CFAP57: variants seen among roughly 807,000 people sequenced by gnomAD.
The protein encoded by CFAP57 is cilia- and flagella-associated protein 57.
CFAP57 carries 116 observed loss-of-function variants against 146.8 expected under a neutral mutation model. The observed-to-expected ratio is 0.79, with a 90% CI of 0.68 to 0.92. The LOEUF is 0.92. Among genes scored for constraint, CFAP57 ranks in the 40% least tolerant of loss-of-function variants. The probability of loss-of-function intolerance (pLI) is 0.00; values close to 1 mark genes in which losing one functional copy is unlikely to be tolerated. For missense variants in CFAP57, 1,377 were observed against 1,527.2 expected (o/e 0.90, Z 1.64); for synonymous variants, 518 against 552.8 (o/e 0.94, Z 0.88).
chr1:43,236,157 A>G (rs1645679886), intron 21 of CFAP57, among the ~76,000 whole-genome samples: 2 of 150,902 alleles, frequency 1.3e-5, no homozygotes, highest in Admixed American at 1.3e-4. Context: ...CGGGAAGAAC[A>G]TTTTCTCCAG....
intron 6 of CFAP57, among the ~76,000 whole-genome samples, chr1:43,195,533 A>T (rs935593776): frequency 1.6e-4 from 23 of 141,176 alleles, no homozygotes; most frequent in Non-Finnish European, 3.3e-4. Flanking sequence ...AGAAAAAAAG[A>T]AAAAAAAAAA....
intron 11 of CFAP57, among the ~76,000 whole-genome samples, chr1:43,213,974 C>A (rs949127572): frequency 2.6e-5 from 4 of 151,860 alleles, no homozygotes; most frequent in Admixed American, 6.6e-5. Context: ...GCAACCTCCC[C>A]CTCCTGGGTT....
At chr1:43,186,968 C>A in intron 6 of CFAP57, 109 bp downstream of exon 6, 1 of 1,338,074 alleles carries the variant, frequency 7.5e-7, no homozygotes, top group Non-Finnish European at 1.0e-6. Context: ...TAAACTCATG[C>A]ATCCCCTTAA....
intron 2 of CFAP57, among the ~76,000 whole-genome samples, chr1:43,175,805 G>A (rs920155637): frequency 6.9e-6 from 1 of 145,414 alleles, no homozygotes; most frequent in East Asian, 2.0e-4. Flanking sequence ...CACACCTGAC[G>A]TTCATGTTTT....
At chr1:43,222,023 T>G in intron 14 of CFAP57, 82 bp from the exon 15 acceptor site, 23 of 1,266,292 alleles carry the variant, frequency 1.8e-5, no homozygotes, top group Non-Finnish European at 2.2e-5. Flanking sequence ...CTGGAAGGGA[T>G]GGGAGAGCGC....
At position 43,234,489 on chromosome 1, in the gene CFAP57, C is replaced by T. The variant is rs764531077; in HGVS notation, c.3262-6C>T. Reference sequence around the variant, plus strand: ...CCCTCACTGAGAATCTCCTGGGCCCCGTCAGGTGGAGATCGCAGGGCTGAA... The same window carrying T: ...CCCTCACTGAGAATCTCCTGGGCCCTGTCAGGTGGAGATCGCAGGGCTGAA... On this transcript the variant is annotated splice_polypyrimidine_tract_variant and splice_region_variant and intron_variant, in intron 20 of 22. Transcript: ENST00000372492. The T allele has an allele frequency of 2.8e-5, 43 of 1,546,840 alleles. No individual in the cohort carries two copies. The highest frequency in any genetic ancestry group is 1.9e-4 in the South Asian group (16 of 83,614).
At chr1:43,233,725 A>T (rs933053887) in intron 19 of CFAP57, among the ~76,000 whole-genome samples, 37 of 152,304 alleles carry the variant, frequency 2.4e-4, no homozygotes, top group African/African-American at 8.9e-4. Context: ...GACTTTCTCT[A>T]GGTCAGGGTT....
rs951593901 is a variant in CFAP57 at position 43,219,451 on chromosome 1, C to G, written c.2161C>G (p.Leu721Val). The stretch of plus-strand genomic sequence containing the variant: ...AATGGAGAATGAGTATCAACTCCGA[C>G]TAAAGGACATGAACTATTCTGAGAA... Reference protein sequence around the residue: ...LKMENEYQLRLKDMNYSEKIK... With the variant: ...LKMENEYQLRVKDMNYSEKIK... The change falls in exon 13 of 23, where the codon CTA becomes GTA. Residue 721 changes from leucine (L) to valine (V), a missense_variant. Physicochemically the swap from Leu to Val is conservative, Grantham distance 32. Transcript: ENST00000372492. 193 of 1,550,458 alleles carry G rather than the reference C, an allele frequency of 1.2e-4. No individual in the cohort carries two copies. The highest frequency in any genetic ancestry group is 1.6e-4 in the Non-Finnish European group (188 of 1,146,968).
Position 43,238,240 on chromosome 1 carries a change from G to A in CFAP57, c.3405+3602G>A, listed in dbSNP as rs760426641. 6.6e-6 allele frequency among the ~76,000 whole-genome samples: 1 copy of A among 152,160 alleles called. No homozygotes were observed. The highest frequency in any genetic ancestry group is 2.4e-5 in the African/African-American group (1 of 41,436). Reference sequence around the variant, plus strand: ...TGCTTTTTCCAGGCTGTGAGGTACTGCCATATTCTAAAGGCATCGACTCAG... The same window carrying A: ...TGCTTTTTCCAGGCTGTGAGGTACTACCATATTCTAAAGGCATCGACTCAG... On this transcript the variant is annotated intron_variant, in intron 21 of 22. Coordinates refer to ENST00000372492, the MANE Select transcript of CFAP57 (RefSeq NM_001378189.1). This position sits in a 1 kb window ranked among gnomAD's most constrained non-coding sequence, Gnocchi z 4.3.
At chr1:43,215,476 C>A in intron 12 of CFAP57, 60 bp downstream of exon 12, 1 of 1,517,358 alleles carries the variant, frequency 6.6e-7, no homozygotes, top group Non-Finnish European at 8.9e-7. Flanking sequence ...CATTCAGATG[C>A]AGGTCCAGCA....
intron 13 of CFAP57, among the ~76,000 whole-genome samples, chr1:43,220,933 G>A (rs1469151725): frequency 6.6e-6 from 1 of 152,150 alleles, no homozygotes; most frequent in African/African-American, 2.4e-5. Flanking sequence ...AGGTCCTGAA[G>A]ATGGCACACC....
At position 43,215,310 on chromosome 1, in the gene CFAP57, T is replaced by C. The variant is rs1157233006; in HGVS notation, c.1985T>C (p.Leu662Pro). 2 of 1,551,216 alleles carry C rather than the reference T, an allele frequency of 1.3e-6. No individual in the cohort carries two copies. The highest frequency in any genetic ancestry group is 1.7e-6 in the Non-Finnish European group (2 of 1,147,142). ...CTGACTGCTGCTGAGGATGGCTGCC[T>C]GTTCACCTGGAAGGTCTTTGATAAG... ...FLLTAAEDGC[L>P]FTWKVFDKDG... Residue 662 changes from leucine to proline, a missense_variant, in exon 12 of 23, where the codon CTG (leucine) becomes CCG (proline). Coordinates refer to ENST00000372492, the MANE Select transcript of CFAP57 (RefSeq NM_001378189.1).
chr1:43,239,153 G>A (rs1296745942), intron 21 of CFAP57, among the ~76,000 whole-genome samples: 1 of 152,068 alleles, frequency 6.6e-6, no homozygotes, highest in East Asian at 1.9e-4. Flanking sequence ...GGAGCCAAGC[G>A]GGACCTCCCA....
intron 10 of CFAP57, among the ~76,000 whole-genome samples, chr1:43,207,223 G>T (rs1644396304): frequency 6.6e-6 from 1 of 152,184 alleles, no homozygotes. Flanking sequence ...AGGCATGGAG[G>T]TCATGTCATC....
chr1:43,191,541 C>T (rs1341658785), intron 6 of CFAP57, among the ~76,000 whole-genome samples: 1 of 144,218 alleles, frequency 6.9e-6, no homozygotes, highest in Non-Finnish European at 1.5e-5. Flanking sequence ...GAGCCAAGAT[C>T]GTGCCACTGC....
intron 19 of CFAP57, among the ~76,000 whole-genome samples, chr1:43,233,487 TAA>T (rs79375692): frequency 1.1e-4 from 16 of 139,144 alleles, no homozygotes; most frequent in African/African-American, 1.6e-4. Context: ...AGACTCCGTC[TAA>T]AAAAAAAAAA....
At chr1:43,233,235 A>C (rs1440928663) in intron 19 of CFAP57, among the ~76,000 whole-genome samples, 2 of 152,226 alleles carry the variant, frequency 1.3e-5, no homozygotes, top group Non-Finnish European at 2.9e-5. Context: ...TCATGCCTGT[A>C]ATCCCAGCAC....
chr1:43,209,797 C>A lies in CFAP57; in HGVS notation c.1810C>A (p.His604Asn). The A allele has an allele frequency of 6.2e-7, 1 of 1,614,174 alleles. No individual in the cohort carries two copies. Among genetic ancestry groups the A allele is most frequent in the Middle Eastern group, 1.6e-4 (1 of 6,062 alleles). The stretch of plus-strand genomic sequence containing the variant: ...CACCTACACCGCCATTGTCATCTCG[C>A]ATTCTGGACGCATGATGTTTGTGGG... The part of the protein sequence containing the change: ...DVTYTAIVIS[H>N]SGRMMFVGTS... The change falls in exon 11 of 23, where the codon CAT (histidine) becomes AAT (asparagine). Residue 604 changes from histidine (H) to asparagine (N), a missense_variant. Physicochemically the swap from His to Asn is moderately conservative, Grantham distance 68. Coordinates refer to ENST00000372492, the MANE Select transcript of CFAP57 (RefSeq NM_001378189.1).
intron 2 of CFAP57, 104 bp from the exon 3 acceptor site, chr1:43,181,430 G>A: frequency 7.4e-7 from 1 of 1,357,534 alleles, no homozygotes; most frequent in East Asian, 2.4e-5. Flanking sequence ...TCTTCTTTGT[G>A]TCCACCACTG....
Sources: allele counts gnomAD v4.1 joint callset (sites outside exome capture counted in the v4.1 genomes callset), GRCh38; gene constraint gnomAD v4.1.1; non-coding constraint Gnocchi (gnomAD v3.1); transcripts MANE v1.5; gene names NCBI Gene and HGNC (gene_info 2026-07-23, HGNC 2026-07-21).